Variants in CDH4 observed in about 807,000 individuals in gnomAD.
CDH4 encodes the protein cadherin 4.
CDH4 carries 33 observed loss-of-function variants against 86.0 expected under a neutral mutation model. The observed-to-expected ratio is 0.38, with a 90% CI of 0.29 to 0.51. The LOEUF (loss-of-function observed/expected upper bound fraction) is 0.51, where lower values mean the gene tolerates loss of function less well. CDH4 is among the 20% of genes least tolerant of loss of function. The pLI is 0.86. For synonymous variants in CDH4, 555 were observed against 549.4 expected (o/e 1.01, Z -0.14); for missense variants, 1,114 against 1,307.4 (o/e 0.85, Z 2.28).
At chr20:61,454,092 G>A (rs2085394484) in intron 2 of CDH4, among the ~76,000 whole-genome samples, 1 of 152,212 alleles carries the variant, frequency 6.6e-6, no homozygotes, top group Non-Finnish European at 1.5e-5. Flanking sequence ...ATAGCAGTGT[G>A]AGAACAGACT....
In CDH4 at chr20:61,261,283, C is replaced by T. The variant is rs528802241; in HGVS notation, c.169+6346C>T. Reference sequence around the variant, plus strand: ...AACCGCTGCTTCTCTATGCTCACTGCCACTAAGCAGACCCCCTTCATTGTA... The same window carrying T: ...AACCGCTGCTTCTCTATGCTCACTGTCACTAAGCAGACCCCCTTCATTGTA... On this transcript the variant is annotated intron_variant, in intron 2 of 15. Transcript: ENST00000614565. 2.6e-5 allele frequency among the ~76,000 whole-genome samples: 4 copies of T among 152,314 alleles called. No individual in the cohort carries two copies. In the South Asian group the frequency reaches 8.3e-4, roughly 32 times the overall value.
In CDH4 at chr20:61,272,801, C is replaced by A. The variant is rs114535008; in HGVS notation, c.169+17864C>A. ...GTACTGTGTGCAGTTTTGGGGAGTA[C>A]CATGCACATTTTGGGGGAGTACTAT... On this transcript the variant is annotated intron_variant, in intron 2 of 15. Coordinates refer to ENST00000614565, the MANE Select transcript of CDH4 (RefSeq NM_001794.5). Among the ~76,000 whole-genome samples, 1,083 of 136,912 alleles carry A rather than the reference C, an allele frequency of 7.9e-3. 15 individuals are homozygous for A. The highest frequency in any genetic ancestry group is 0.029 in the African/African-American group (1,038 of 35,960). 89.8% of individuals were successfully genotyped at this position (136,912 alleles called of 152,430 possible).
At chr20:61,328,970 T>G (rs1377784735) in intron 2 of CDH4, among the ~76,000 whole-genome samples, 1 of 152,200 alleles carries the variant, frequency 6.6e-6, no homozygotes, top group Non-Finnish European at 1.5e-5. Flanking sequence ...ACACCTCACA[T>G]GCTGAGCATC....
At chr20:61,581,378 A>T (rs1466035282) in intron 2 of CDH4, among the ~76,000 whole-genome samples, 2 of 152,134 alleles carry the variant, frequency 1.3e-5, no homozygotes, top group African/African-American at 4.8e-5. Context: ...GTCAGGAGGG[A>T]TGGCTCCTCC....
chr20:61,474,988 A>G (rs2145572422), intron 2 of CDH4, among the ~76,000 whole-genome samples: 1 of 152,354 alleles, frequency 6.6e-6, no homozygotes, highest in South Asian at 2.1e-4. Flanking sequence ...GTATCTGAAA[A>G]TATTAAAAGA....
At chr20:61,321,095 G>A (rs978237875) in intron 2 of CDH4, among the ~76,000 whole-genome samples, 4 of 152,152 alleles carry the variant, frequency 2.6e-5, no homozygotes, top group Non-Finnish European at 5.9e-5. Context: ...ACCTAGTCCC[G>A]CCTGTGGTCA....
intron 2 of CDH4, among the ~76,000 whole-genome samples, chr20:61,268,890 A>G (rs2123134349): frequency 6.6e-6 from 1 of 152,312 alleles, no homozygotes; most frequent in East Asian, 1.9e-4. Context: ...GTGTTCCTTT[A>G]TAGCAACACC....
chr20:61,560,646 A>G (rs2086210081), intron 2 of CDH4, among the ~76,000 whole-genome samples: 1 of 152,220 alleles, frequency 6.6e-6, no homozygotes. Flanking sequence ...GGCCCTGGCG[A>G]GGGCTGAGTG....
chr20:61,291,601 A>G (rs1293195538), intron 2 of CDH4, among the ~76,000 whole-genome samples: 2 of 152,254 alleles, frequency 1.3e-5, no homozygotes, highest in Non-Finnish European at 2.9e-5. Flanking sequence ...GAGCTCCCTG[A>G]GAGCCTTTGT....
At chr20:61,395,372 A>G (rs998798311) in intron 2 of CDH4, among the ~76,000 whole-genome samples, 2 of 152,276 alleles carry the variant, frequency 1.3e-5, no homozygotes, top group Middle Eastern at 6.8e-3. Context: ...CAGCAGAAGA[A>G]CCTTTTTGCT....
chr20:61,369,453 A>T (rs1230899579), intron 2 of CDH4, among the ~76,000 whole-genome samples: 3 of 79,214 alleles, frequency 3.8e-5, no homozygotes, highest in Non-Finnish European at 7.5e-5. Flanking sequence ...TCTGTCTCAA[A>T]AAAAAAAAAA....
At chr20:61,543,195 A>C (rs1470567265) in intron 2 of CDH4, among the ~76,000 whole-genome samples, 1 of 152,064 alleles carries the variant, frequency 6.6e-6, no homozygotes, top group Non-Finnish European at 1.5e-5. Context: ...TCAAATGTTA[A>C]CCTTCTTTGG....
intron 2 of CDH4, among the ~76,000 whole-genome samples, chr20:61,521,877 T>A: frequency 6.6e-6 from 1 of 152,216 alleles, no homozygotes; most frequent in East Asian, 1.9e-4. Context: ...TTAGTCGCAT[T>A]TCCTGTTGGA....
At chr20:61,605,846 G>A (rs1269362202) in intron 2 of CDH4, among the ~76,000 whole-genome samples, 1 of 151,036 alleles carries the variant, frequency 6.6e-6, no homozygotes, top group Non-Finnish European at 1.5e-5. Context: ...TGTACAGAGA[G>A]GGCAAAATTT....
At chr20:61,889,947 G>T (rs1002764804) in intron 7 of CDH4, among the ~76,000 whole-genome samples, 2 of 148,892 alleles carry the variant, frequency 1.3e-5, no homozygotes, top group African/African-American at 5.0e-5. Context: ...TGAGTGAGTG[G>T]ATGGTTGGAT....
rs932780402 is a variant in CDH4, at chr20:61,493,232, C to T, written c.169+238295C>T. On this transcript the variant is annotated intron_variant, in intron 2 of 15. Coordinates refer to ENST00000614565, the MANE Select transcript of CDH4 (RefSeq NM_001794.5). ...AGCCCACACTCGCTGTGGGCCTTTC[C>T]GGAGTTCCATTGTCTGTGAAGTATG... Among the ~76,000 whole-genome samples the T allele has an allele frequency of 5.9e-5, 9 of 152,178 alleles. No individual in the cohort carries two copies. In the East Asian group the frequency reaches 1.2e-3, roughly 20 times the overall value.
At chr20:61,300,523 C>T (rs1345700170) in intron 2 of CDH4, among the ~76,000 whole-genome samples, 2 of 152,184 alleles carry the variant, frequency 1.3e-5, no homozygotes, top group Non-Finnish European at 2.9e-5. Flanking sequence ...AGCCCTTGCT[C>T]ATCCCCCGTC....
intron 2 of CDH4, among the ~76,000 whole-genome samples, chr20:61,410,829 T>C (rs2085114989): frequency 6.6e-6 from 1 of 151,818 alleles, no homozygotes; most frequent in African/African-American, 2.4e-5. Flanking sequence ...TTCCTCCCAC[T>C]GGTCTGTCCA....
At chr20:61,302,195 G>C (rs1045994207) in intron 2 of CDH4, among the ~76,000 whole-genome samples, 3 of 152,188 alleles carry the variant, frequency 2.0e-5, no homozygotes, top group Non-Finnish European at 1.5e-5. Context: ...GCTCATGGTC[G>C]AGCCCTCACC....
Sources: allele counts gnomAD v4.1 joint callset (sites outside exome capture counted in the v4.1 genomes callset), GRCh38; gene constraint gnomAD v4.1.1; transcripts MANE v1.5; gene names NCBI Gene and HGNC (gene_info 2026-07-23, HGNC 2026-07-21).